The following CNTNAP4 variants were observed in gnomAD, a reference collection of about 807,000 sequenced individuals.
The protein encoded by CNTNAP4 is contactin associated protein family member 4, also known as contactin-associated protein-like 4.
In CNTNAP4, 98 loss-of-function variants were observed where a neutral mutation model predicts 148.4. The observed-to-expected ratio is 0.66, with a 90% CI of 0.56 to 0.78. CNTNAP4 has a LOEUF of 0.78. Among genes scored for constraint, CNTNAP4 ranks in the 30% least tolerant of loss-of-function variants. The pLI is 0.00. For missense variants in CNTNAP4, 1,935 were observed against 1,565.6 expected (o/e 1.24, Z -3.98); for synonymous variants, 730 against 565.1 (o/e 1.29, Z -4.14).
chr16:76,343,383 GT>G (rs1016015946), intron 2 of CNTNAP4, among the ~76,000 whole-genome samples: 4 of 152,146 alleles, frequency 2.6e-5, no homozygotes, highest in Non-Finnish European at 5.9e-5. Context: ...AAAATGATAT[GT>G]TTTTTCCCTC....
At chr16:76,490,851 A>G (rs1431180446) in intron 13 of CNTNAP4, among the ~76,000 whole-genome samples, 1 of 152,246 alleles carries the variant, frequency 6.6e-6, no homozygotes, top group South Asian at 2.1e-4. Context: ...TTTTCTTTAC[A>G]TATTAGATAA....
At chr16:76,383,824 C>G (rs893077690) in intron 3 of CNTNAP4, among the ~76,000 whole-genome samples, 1 of 152,038 alleles carries the variant, frequency 6.6e-6, no homozygotes, top group African/African-American at 2.4e-5. Flanking sequence ...TTGGAGGGGA[C>G]ATGGGTGTAG....
chr16:76,411,971 C>T (rs1226371520), intron 3 of CNTNAP4, among the ~76,000 whole-genome samples: 1 of 151,404 alleles, frequency 6.6e-6, no homozygotes, highest in African/African-American at 2.4e-5. Flanking sequence ...TCCCTCTTCC[C>T]ACCAAATAAT....
chr16:76,430,931 T>G (rs544929673), intron 4 of CNTNAP4, among the ~76,000 whole-genome samples: 1 of 152,320 alleles, frequency 6.6e-6, no homozygotes, highest in East Asian at 1.9e-4. Context: ...CTTTAACCAT[T>G]TATTGGTACT....
At chr16:76,458,604 G>A (rs2080824711) in intron 8 of CNTNAP4, among the ~76,000 whole-genome samples, 1 of 151,990 alleles carries the variant, frequency 6.6e-6, no homozygotes, top group Non-Finnish European at 1.5e-5. Flanking sequence ...AATAGGGTTC[G>A]AACTCCTAGG....
At chr16:76,328,060 T>C (rs1442982292) in intron 2 of CNTNAP4, among the ~76,000 whole-genome samples, 2 of 152,194 alleles carry the variant, frequency 1.3e-5, no homozygotes, top group South Asian at 4.1e-4. Flanking sequence ...CTCAGAAGAA[T>C]TCCAAATAAT....
chr16:76,409,137 A>G (rs2078704779), intron 3 of CNTNAP4, among the ~76,000 whole-genome samples: 1 of 152,002 alleles, frequency 6.6e-6, no homozygotes, highest in Non-Finnish European at 1.5e-5. Flanking sequence ...ATTAAGATAA[A>G]TATCATTTAA....
At chr16:76,339,711 A>G (rs1362999644) in intron 2 of CNTNAP4, among the ~76,000 whole-genome samples, 13 of 152,104 alleles carry the variant, frequency 8.5e-5, no homozygotes, top group Admixed American at 8.5e-4. Context: ...ATTTATTTCC[A>G]TTTCTCTGAA....
intron 15 of CNTNAP4, among the ~76,000 whole-genome samples, chr16:76,513,220 G>A (rs952666700): frequency 6.6e-6 from 1 of 152,174 alleles, no homozygotes; most frequent in Non-Finnish European, 1.5e-5. Context: ...AACAGGTGTG[G>A]TGGTGGGTGC....
chr16:76,369,802 A>C (rs913122374), intron 3 of CNTNAP4, among the ~76,000 whole-genome samples: 1 of 152,156 alleles, frequency 6.6e-6, no homozygotes, highest in African/African-American at 2.4e-5. Flanking sequence ...AGATTGTGCC[A>C]CTGTACTCCA....
chr16:76,513,324 G>A (rs936307836), intron 15 of CNTNAP4, among the ~76,000 whole-genome samples: 3 of 151,998 alleles, frequency 2.0e-5, no homozygotes, highest in African/African-American at 7.3e-5. Flanking sequence ...GGGAGAGGAA[G>A]TGTGAAGTAA....
intron 4 of CNTNAP4, among the ~76,000 whole-genome samples, chr16:76,445,100 A>G (rs17679358): frequency 0.32 from 48,106 of 151,962 alleles, 9,185 homozygotes; most frequent in Non-Finnish European, 0.41. Context: ...GGCCTCTTGA[A>G]ATTAAGTGTT....
At position 76,448,187 on chromosome 16, in the gene CNTNAP4, A is replaced by G; in HGVS notation, c.714A>G (p.Arg238=). Residue 238 remains arginine (R), a synonymous_variant, in exon 5 of 24, where the codon AGA becomes AGG. Transcript: ENST00000611870. ...ATCACATCACACTGCAATTAAGAAG[A>G]GCAAGACTCTTTTTACTTATTAATT... ...NGDHITLQLR[R]ARLFLLINSG... 1 of 1,612,812 alleles carries G rather than the reference A, an allele frequency of 6.2e-7. No individual in the cohort carries two copies. The highest frequency in any genetic ancestry group is 1.3e-5 in the African/African-American group (1 of 74,988).
intron 1 of CNTNAP4, chr16:76,316,178 A>G (rs1755683747): frequency 3.5e-6 from 2 of 576,912 alleles, no homozygotes; most frequent in Non-Finnish European, 3.1e-6. Flanking sequence ...ATATTGTTTT[A>G]TTATATAATT....
intron 15 of CNTNAP4, among the ~76,000 whole-genome samples, chr16:76,502,192 G>A (rs561916249): frequency 2.0e-5 from 3 of 152,196 alleles, no homozygotes; most frequent in South Asian, 4.1e-4. Flanking sequence ...TATTTTTAGC[G>A]TTGAGGTTCA....
chr16:76,354,699 C>A (rs1181088434), intron 2 of CNTNAP4, among the ~76,000 whole-genome samples: 1 of 152,164 alleles, frequency 6.6e-6, no homozygotes, highest in Non-Finnish European at 1.5e-5. Flanking sequence ...AAGCTCCAAC[C>A]CACCACTGGA....
intron 15 of CNTNAP4, among the ~76,000 whole-genome samples, chr16:76,520,924 T>C (rs2083427669): frequency 6.6e-6 from 1 of 152,156 alleles, no homozygotes; most frequent in Admixed American, 6.6e-5. Context: ...TTACTCTCTA[T>C]TGGAAAAAAT....
chr16:76,400,873 ACT>A (rs1417836799), intron 3 of CNTNAP4, among the ~76,000 whole-genome samples: 2 of 151,466 alleles, frequency 1.3e-5, no homozygotes, highest in Admixed American at 1.3e-4. Context: ...ATTTCTGGGT[ACT>A]CTGTTCTGTT....
intron 19 of CNTNAP4, among the ~76,000 whole-genome samples, 192 bp from the exon 20 acceptor site, chr16:76,539,527 A>G (rs1486656807): frequency 2.0e-5 from 3 of 152,080 alleles, no homozygotes; most frequent in South Asian, 2.1e-4. Context: ...TGTGCAACAT[A>G]CTTGGTCATG....
Sources: allele counts gnomAD v4.1 joint callset (sites outside exome capture counted in the v4.1 genomes callset), GRCh38; gene constraint gnomAD v4.1.1; transcripts MANE v1.5; gene names NCBI Gene and HGNC (gene_info 2026-07-23, HGNC 2026-07-21).